Variants in CSMD1 observed in about 807,000 individuals in gnomAD.
CSMD1 encodes the protein CUB and sushi domain-containing protein 1.
CSMD1 carries 213 observed loss-of-function variants against 417.5 expected under a neutral mutation model. The observed-to-expected ratio is 0.51, with a 90% CI of 0.46 to 0.57. The LOEUF (loss-of-function observed/expected upper bound fraction) is 0.57. Among genes scored for constraint, CSMD1 ranks in the 20% least tolerant of loss-of-function variants. The pLI is 0.00. For missense variants in CSMD1, 6,923 were observed against 4,529.7 expected (o/e 1.53, Z -15.17); for synonymous variants, 2,862 against 1,736.8 (o/e 1.65, Z -16.11).
At chr8:4,695,005 C>T (rs748965703) in intron 1 of CSMD1, among the ~76,000 whole-genome samples, 1 of 151,888 alleles carries the variant, frequency 6.6e-6, no homozygotes, top group African/African-American at 2.4e-5. Flanking sequence ...ATTAAAATAC[C>T]ACGTGATTAA....
chr8:3,227,645 A>G (rs1798592606), intron 27 of CSMD1, among the ~76,000 whole-genome samples: 1 of 152,226 alleles, frequency 6.6e-6, no homozygotes, highest in African/African-American at 2.4e-5. Flanking sequence ...CCTTCTAAAA[A>G]GATTTAGTCA....
chr8:4,394,585 G>A, intron 3 of CSMD1, among the ~76,000 whole-genome samples: 1 of 152,104 alleles, frequency 6.6e-6, no homozygotes, highest in Non-Finnish European at 1.5e-5. Context: ...GTCTGTGGAT[G>A]CCCCCAGTAG....
intron 6 of CSMD1, among the ~76,000 whole-genome samples, chr8:3,725,459 C>T (rs1802427163): frequency 6.6e-6 from 1 of 152,032 alleles, no homozygotes; most frequent in South Asian, 2.1e-4. Context: ...GACTGTGGGG[C>T]CAAAGGAGAA....
rs539720397 is a variant in CSMD1, at chr8:3,477,430, C to A, written c.1449-8606G>T. On this transcript the variant is annotated intron_variant, in intron 11 of 69. Coordinates refer to ENST00000635120, the MANE Select transcript of CSMD1 (RefSeq NM_033225.6). ...TCAGAATGTGGAGAAAGCAGAGTTA[C>A]TTAATTGTATGATTTAAGTGACTAC... 2.0e-5 allele frequency among the ~76,000 whole-genome samples: 3 copies of A among 152,294 alleles called. No homozygotes were observed. In the East Asian group the frequency reaches 5.8e-4, roughly 29 times the overall value.
At chr8:4,011,313 A>G (rs1473403264) in intron 4 of CSMD1, among the ~76,000 whole-genome samples, 4 of 152,176 alleles carry the variant, frequency 2.6e-5, no homozygotes, top group East Asian at 1.9e-4. Flanking sequence ...CTCTCTGCAT[A>G]TAACCGTGCT....
rs150085581 is a variant in CSMD1, at chr8:3,367,266, G to GGA, written c.2900-21_2900-20dup. 139 of 1,521,740 alleles carry GGA rather than the reference G, an allele frequency of 9.1e-5. No homozygotes were observed. The highest frequency in any genetic ancestry group is 1.7e-4 in the Middle Eastern group (1 of 5,790). The allele number at this position is 1,521,740 out of a possible 1,614,324, so 94.3% of individuals were successfully genotyped here. Reference sequence around the variant, plus strand: ...TGAACTCCTGAGAAATGAAGCCGGGGGAGAGAGAGAGAGACAGAGAGAGAC... The same window carrying GGA: ...TGAACTCCTGAGAAATGAAGCCGGGGGAGAGAGAGAGAGAGACAGAGAGAGAC... On this transcript the variant is annotated intron_variant, in intron 19 of 69. Coordinates refer to ENST00000635120, the MANE Select transcript of CSMD1 (RefSeq NM_033225.6).
At chr8:3,085,352 T>C (rs1814451362) in intron 49 of CSMD1, among the ~76,000 whole-genome samples, 1 of 152,362 alleles carries the variant, frequency 6.6e-6, no homozygotes, top group South Asian at 2.1e-4. Context: ...GTCACAGATC[T>C]GTTTTAGAAA....
intron 7 of CSMD1, among the ~76,000 whole-genome samples, chr8:3,643,337 G>T (rs1585008157): frequency 6.6e-6 from 1 of 152,078 alleles, no homozygotes; most frequent in African/African-American, 2.4e-5. Context: ...GAGAGAAAAA[G>T]CAGAATCACT....
At chr8:4,004,249 T>A (rs1455608762) in intron 4 of CSMD1, among the ~76,000 whole-genome samples, 1 of 152,072 alleles carries the variant, frequency 6.6e-6, no homozygotes, top group African/African-American at 2.4e-5. Context: ...TAGTTTAACA[T>A]CTAAAAAACA....
intron 49 of CSMD1, among the ~76,000 whole-genome samples, chr8:3,067,156 C>T (rs1812989445): frequency 6.6e-6 from 1 of 152,114 alleles, no homozygotes; most frequent in Admixed American, 6.6e-5. Flanking sequence ...CTCGACCTGT[C>T]TGAGAGTGTC....
intron 3 of CSMD1, among the ~76,000 whole-genome samples, chr8:4,387,592 A>AAAAAAAAAAAAAG (rs1803542375): frequency 6.7e-6 from 1 of 148,704 alleles, no homozygotes; most frequent in Non-Finnish European, 1.5e-5. Context: ...AAAAAAAAAA[A>AAAAAAAAAAAAAG]GAGTTGAATG....
At chr8:4,250,948 C>T (rs1030340950) in intron 3 of CSMD1, among the ~76,000 whole-genome samples, 6 of 152,090 alleles carry the variant, frequency 3.9e-5, no homozygotes, top group Admixed American at 2.0e-4. Context: ...TCAGATGACA[C>T]GTTTCCCTGA....
At chr8:3,055,836 C>A (rs539318215) in intron 49 of CSMD1, among the ~76,000 whole-genome samples, 1 of 152,152 alleles carries the variant, frequency 6.6e-6, no homozygotes. Flanking sequence ...TCTTGCTGTA[C>A]CTCTCAATAA....
intron 2 of CSMD1, among the ~76,000 whole-genome samples, chr8:4,560,100 C>G (rs536373107): frequency 6.6e-6 from 1 of 152,238 alleles, no homozygotes; most frequent in Non-Finnish European, 1.5e-5. Context: ...TGGGCCACCT[C>G]CACGTGGTGA....
At chr8:4,470,284 C>A (rs114084900) in intron 2 of CSMD1, among the ~76,000 whole-genome samples, 1 of 152,270 alleles carries the variant, frequency 6.6e-6, no homozygotes, top group South Asian at 2.1e-4. Context: ...GAGCCTTCTC[C>A]CTCCTCTCCT....
intron 1 of CSMD1, among the ~76,000 whole-genome samples, chr8:4,889,333 T>A (rs999846391): frequency 1.2e-4 from 18 of 152,094 alleles, no homozygotes. Flanking sequence ...ATTTTATGAA[T>A]CAAGTTTTCT....
chr8:4,322,498 T>G (rs949934401), intron 3 of CSMD1, among the ~76,000 whole-genome samples: 5 of 151,992 alleles, frequency 3.3e-5, no homozygotes, highest in Admixed American at 2.0e-4. Context: ...CTGTATGCAG[T>G]TGTGGGTTCA....
At position 2,962,435 on chromosome 8, in the gene CSMD1, G is replaced by T. The variant is rs187653566; in HGVS notation, c.9628+31C>A. On this transcript the variant is annotated intron_variant, in intron 61 of 69. Coordinates refer to ENST00000635120, the MANE Select transcript of CSMD1 (RefSeq NM_033225.6). ...GCGTCCTCATCTCCAAATACTCCCA[G>T]GTATCCCCAGAGCTGTATGATAATT... The T allele has an allele frequency of 1.4e-4, 217 of 1,581,962 alleles. 1 individual carries two copies. The East Asian group carries it at 3.4e-3, about 25-fold the overall frequency.
intron 1 of CSMD1, among the ~76,000 whole-genome samples, chr8:4,670,948 G>A (rs1330955375): frequency 5.9e-5 from 9 of 152,202 alleles, no homozygotes; most frequent in Non-Finnish European, 4.4e-5. Context: ...ATAACAAACA[G>A]TCATATGACA....
Sources: gnomAD v4.1 joint callset for allele counts (sites outside exome capture counted in the v4.1 genomes callset) on GRCh38, gnomAD v4.1.1 for gene constraint, MANE v1.5 for transcripts, NCBI Gene and HGNC (gene_info 2026-07-23, HGNC 2026-07-21) for gene names.